CFAP20DC: variants seen among roughly 807,000 people sequenced by gnomAD.
CFAP20DC encodes the protein CFAP20 domain containing.
In CFAP20DC, 84 loss-of-function variants were observed where a neutral mutation model predicts 101.7. That is an observed-to-expected ratio of 0.83 (90% CI 0.69 to 0.99). The LOEUF (loss-of-function observed/expected upper bound fraction) is 0.99, where lower values mean the gene tolerates loss of function less well. CFAP20DC is among the 50% of genes least tolerant of loss of function. The pLI is 0.00. For missense variants in CFAP20DC, 1,007 were observed against 970.3 expected, an observed-to-expected ratio of 1.04 and a Z score of -0.50; for synonymous variants, 359 against 351.2, an observed-to-expected ratio of 1.02 and a Z score of -0.25.
chr3:58,815,487 CA>C (rs2075042763), intron 14 of CFAP20DC, among the ~76,000 whole-genome samples: 5 of 149,814 alleles, frequency 3.3e-5, no homozygotes, highest in Admixed American at 3.3e-4. Context: ...GCAATGGCAA[CA>C]AAAGCCAAAA....
In CFAP20DC at chr3:59,001,278, G is replaced by T. The variant is rs1285554711; in HGVS notation, c.278+38279C>A. Among the ~76,000 whole-genome samples, 1 of 152,126 alleles carries T rather than the reference G, an allele frequency of 6.6e-6. No homozygotes were observed. The highest frequency in any genetic ancestry group is 1.5e-5 in the Non-Finnish European group (1 of 68,022). ...ATACTACTATAAAAATACAAGGCCT[G>T]ATAGACTGCCTCTATAGGACTGTAT... On this transcript the variant is annotated intron_variant, in intron 4 of 16. Coordinates refer to ENST00000482387, the MANE Select transcript of CFAP20DC (RefSeq NM_001394063.1). The surrounding 1 kb of genome is among the most constrained non-coding windows in gnomAD (Gnocchi z 4.5).
intron 4 of CFAP20DC, among the ~76,000 whole-genome samples, chr3:58,990,670 T>G (rs2092908701): frequency 6.6e-6 from 1 of 152,096 alleles, no homozygotes; most frequent in South Asian, 2.1e-4. Flanking sequence ...AATCTGAAAC[T>G]TTTTCAATGC....
intron 14 of CFAP20DC, among the ~76,000 whole-genome samples, chr3:58,830,338 A>C (rs1300009997): frequency 1.3e-5 from 2 of 152,168 alleles, no homozygotes; most frequent in Non-Finnish European, 2.9e-5. Context: ...CTGAGTCACC[A>C]CATCATGGTG....
rs868132353 is a variant in CFAP20DC, at chr3:58,964,339, C to T, written c.279-26577G>A. Among the ~76,000 whole-genome samples the T allele has an allele frequency of 6.6e-5, 10 of 152,300 alleles. No individual in the cohort carries two copies. Among genetic ancestry groups the T allele is most frequent in the Middle Eastern group, 6.8e-3 (2 of 292 alleles). ...TGAGGTACAGGGCCTAACTGTAATACATTTGAATGTTAAGTCTCCACCCCA... is the reference window on the plus strand; with the variant it reads ...TGAGGTACAGGGCCTAACTGTAATATATTTGAATGTTAAGTCTCCACCCCA... On this transcript the variant is annotated intron_variant, in intron 4 of 16. Coordinates refer to ENST00000482387, the MANE Select transcript of CFAP20DC (RefSeq NM_001394063.1). The surrounding 1 kb of genome is among the most constrained non-coding windows in gnomAD (Gnocchi z 4.1).
intron 6 of CFAP20DC, among the ~76,000 whole-genome samples, chr3:58,889,405 G>C (rs2081958687): frequency 6.6e-6 from 1 of 152,136 alleles, no homozygotes; most frequent in Non-Finnish European, 1.5e-5. Flanking sequence ...AGAATTGTCA[G>C]TGAAACTTCA....
chr3:58,805,851 A>C (rs1267371457), intron 15 of CFAP20DC, among the ~76,000 whole-genome samples: 1 of 152,222 alleles, frequency 6.6e-6, no homozygotes, highest in Admixed American at 6.5e-5. Flanking sequence ...CTCATACACC[A>C]ATGACATTTT....
chr3:58,917,842 T>C (rs1576299678), intron 5 of CFAP20DC, among the ~76,000 whole-genome samples: 1 of 152,270 alleles, frequency 6.6e-6, no homozygotes, highest in Admixed American at 6.5e-5. Flanking sequence ...AGTCCTTCTA[T>C]GGAGAGAGGA....
At chr3:58,865,608 A>C (rs1381786806) in intron 11 of CFAP20DC, among the ~76,000 whole-genome samples, 1 of 152,218 alleles carries the variant, frequency 6.6e-6, no homozygotes, top group African/African-American at 2.4e-5. Context: ...TATTTTGGAC[A>C]GCAAACCCTT....
intron 14 of CFAP20DC, among the ~76,000 whole-genome samples, chr3:58,815,327 C>T (rs2075027638): frequency 6.8e-6 from 1 of 147,952 alleles, no homozygotes; most frequent in Non-Finnish European, 1.5e-5. Context: ...GAAACTGGAT[C>T]CCTTCCTTAC....
At chr3:58,787,275 TGGGAATTGAACAATGA>T (rs1314750526) in intron 15 of CFAP20DC, among the ~76,000 whole-genome samples, 2 of 132,926 alleles carry the variant, frequency 1.5e-5, no homozygotes, top group African/African-American at 5.8e-5. Flanking sequence ...CACTCATAGG[TGGGAATTGAACAATGA>T]GATCACATGG....
intron 15 of CFAP20DC, among the ~76,000 whole-genome samples, chr3:58,756,087 A>T (rs556930495): frequency 6.6e-6 from 1 of 152,284 alleles, no homozygotes; most frequent in East Asian, 1.9e-4. Flanking sequence ...AGAGTTAAGT[A>T]ATTTATTATC....
At chr3:58,727,152 C>T (rs939119983) in intron 3 of CFAP20DC, 2 of 158,792 alleles carry the variant, frequency 1.3e-5, no homozygotes, top group Non-Finnish European at 2.8e-5. Flanking sequence ...GCTCCTCAGT[C>T]CATTTGGTTC....
At chr3:58,771,794 C>G (rs530219521) in intron 15 of CFAP20DC, among the ~76,000 whole-genome samples, 4 of 152,198 alleles carry the variant, frequency 2.6e-5, no homozygotes, top group African/African-American at 9.6e-5. Flanking sequence ...AATCACATCC[C>G]CACAATTTGC....
intron 4 of CFAP20DC, among the ~76,000 whole-genome samples, chr3:58,958,352 T>C (rs1017248366): frequency 4.6e-5 from 7 of 152,338 alleles, no homozygotes; most frequent in East Asian, 3.9e-4. Flanking sequence ...TATTGCAGAA[T>C]GTATGGTAAC....
chr3:58,937,829 C>A, intron 4 of CFAP20DC, 67 bp from the exon 5 acceptor site: 1 of 853,760 alleles, frequency 1.2e-6, no homozygotes, highest in South Asian at 1.5e-5. Context: ...TTTGGATAAT[C>A]ATCAAAATGA....
In CFAP20DC at chr3:58,753,049, A is replaced by C. The variant is rs111582374; in HGVS notation, c.2332+720T>G. On this transcript the variant is annotated intron_variant, in intron 16 of 16. Transcript: ENST00000482387. ...CCATCTCAACTCCTCAGTTTTCACC[A>C]GAGATTCTCTTATGTTCCTCTACCA... Among the ~76,000 whole-genome samples, 153 of 152,234 alleles carry C rather than the reference A, an allele frequency of 1.0e-3. 1 individual carries two copies. Among genetic ancestry groups the C allele is most frequent in the Non-Finnish European group, 1.9e-3 (131 of 68,002 alleles).
intron 6 of CFAP20DC, among the ~76,000 whole-genome samples, chr3:58,885,176 T>G (rs1413076106): frequency 6.6e-6 from 1 of 152,152 alleles, no homozygotes; most frequent in Non-Finnish European, 1.5e-5. Context: ...AATTTTAGAC[T>G]TTTAGAAAAG....
intron 15 of CFAP20DC, among the ~76,000 whole-genome samples, chr3:58,777,769 C>T (rs2071468765): frequency 6.6e-6 from 1 of 152,092 alleles, no homozygotes; most frequent in South Asian, 2.1e-4. Context: ...CTCCTGTAAT[C>T]CTAGCCACAG....
chr3:58,870,371 G>A, intron 7 of CFAP20DC, 62 bp from the exon 8 acceptor site: 3 of 1,525,912 alleles, frequency 2.0e-6, no homozygotes, highest in Non-Finnish European at 2.7e-6. Context: ...ACATCACACT[G>A]CAATCTTTCT....
Sources: gnomAD v4.1 joint callset for allele counts (sites outside exome capture counted in the v4.1 genomes callset) on GRCh38, gnomAD v4.1.1 for gene constraint, Gnocchi (gnomAD v3.1) non-coding constraint, MANE v1.5 for transcripts, NCBI Gene and HGNC (gene_info 2026-07-23, HGNC 2026-07-21) for gene names.